ROR2: variants seen among roughly 807,000 people sequenced by gnomAD.
ROR2 encodes tyrosine-protein kinase transmembrane receptor ROR2.
Under a neutral mutation model 74.9 loss-of-function variants are expected in ROR2, and 33 were observed. The observed-to-expected ratio is 0.44, with a 90% CI of 0.33 to 0.59. The LOEUF is 0.59. Ranked by LOEUF, ROR2 falls within the 20% of genes least tolerant of loss-of-function variation. The pLI, the probability that ROR2 is intolerant of heterozygous loss-of-function variation, is 0.02. For missense variants in ROR2, 1,216 were observed against 1,313.8 expected (o/e 0.93, Z 1.15); for synonymous variants, 586 against 558.7 (o/e 1.05, Z -0.69).
At chr9:91,804,858 CATT>C (rs1827499251) in intron 1 of ROR2, among the ~76,000 whole-genome samples, 1 of 152,190 alleles carries the variant, frequency 6.6e-6, no homozygotes, top group Admixed American at 6.5e-5. Flanking sequence ...TCAAACGCTT[CATT>C]CTACTATCTA....
intron 1 of ROR2, among the ~76,000 whole-genome samples, chr9:91,897,145 A>G (rs889075107): frequency 3.3e-5 from 5 of 152,272 alleles, no homozygotes; most frequent in Non-Finnish European, 7.3e-5. Context: ...TTCCCCACAC[A>G]GCACTGTGAT....
chr9:91,732,225 C>T (rs958144950), intron 6 of ROR2, among the ~76,000 whole-genome samples: 2 of 152,196 alleles, frequency 1.3e-5, no homozygotes, highest in Non-Finnish European at 2.9e-5. Context: ...AGGCAACAAC[C>T]CGTATGGATG....
At chr9:91,748,060 G>A (rs1238614242) in intron 4 of ROR2, among the ~76,000 whole-genome samples, 7 of 152,152 alleles carry the variant, frequency 4.6e-5, no homozygotes, top group East Asian at 1.9e-4. Context: ...TCAGGAGTTC[G>A]AGATCAGCCT....
At chr9:91,846,706 CCT>C (rs1267379227) in intron 1 of ROR2, among the ~76,000 whole-genome samples, 2 of 152,106 alleles carry the variant, frequency 1.3e-5, no homozygotes, top group Non-Finnish European at 2.9e-5. Flanking sequence ...CCCTCAGCCC[CCT>C]GATAAGCACC....
At chr9:91,886,328 C>T (rs897316911) in intron 1 of ROR2, among the ~76,000 whole-genome samples, 1 of 152,328 alleles carries the variant, frequency 6.6e-6, no homozygotes, top group East Asian at 1.9e-4. Context: ...CATTCTCCCC[C>T]TCCCCTCGCC....
intron 1 of ROR2, among the ~76,000 whole-genome samples, chr9:91,816,018 G>A (rs938170711): frequency 2.0e-5 from 3 of 152,196 alleles, no homozygotes; most frequent in South Asian, 2.1e-4. Context: ...CTCCATAAAC[G>A]GTAAGCAGCC....
In ROR2 at chr9:91,931,103, G is replaced by T. The variant is rs575427269; in HGVS notation, c.97+18764C>A. ...GCTCCCCCAAATGTGACAAAAATGAGATCAAATATGTTATCTCAGTAAGTG... is the reference window on the plus strand; with the variant it reads ...GCTCCCCCAAATGTGACAAAAATGATATCAAATATGTTATCTCAGTAAGTG... On this transcript the variant is annotated intron_variant, in intron 1 of 8. Transcript: ENST00000375708. Among the ~76,000 whole-genome samples, 3 of 152,074 alleles carry T rather than the reference G, an allele frequency of 2.0e-5. No homozygotes were observed. The East Asian group carries it at 5.8e-4, about 29-fold the overall frequency.
chr9:91,855,263 C>G (rs568603602), intron 1 of ROR2, among the ~76,000 whole-genome samples: 10 of 152,302 alleles, frequency 6.6e-5, no homozygotes, highest in Admixed American at 4.6e-4. Flanking sequence ...TCCATCCTCA[C>G]TCCTAGCAAG....
chr9:91,950,203 G>A lies in ROR2; in HGVS notation c.-240C>T. 7.6e-6 allele frequency: 2 copies of A among 261,476 alleles called. No individual in the cohort carries two copies. The highest frequency in any genetic ancestry group is 1.6e-4 in the South Asian group (1 of 6,368). 16.2% of individuals were successfully genotyped at this position (261,476 alleles called of 1,614,324 possible). On this transcript the variant is annotated 5_prime_UTR_variant, in exon 1 of 9. Coordinates refer to ENST00000375708, the MANE Select transcript of ROR2 (RefSeq NM_004560.4). The stretch of plus-strand genomic sequence containing the variant: ...CGCGGGCTGGGGCGTCCCGCCGGCC[G>A]CCAGGACGAGCGCGGGGGGCGGACC...
At chr9:91,921,280 T>C (rs562729107) in intron 1 of ROR2, among the ~76,000 whole-genome samples, 67 of 152,354 alleles carry the variant, frequency 4.4e-4, no homozygotes, top group African/African-American at 1.6e-3. Context: ...ACATGCAAAA[T>C]CAGTCCTTCT....
In ROR2 at chr9:91,724,325, G is replaced by A. The variant is rs199502935; in HGVS notation, c.2169C>T (p.Ala723=). 2.4e-5 allele frequency: 39 copies of A among 1,613,310 alleles called. No individual in the cohort carries two copies. In the Admixed American group the frequency reaches 6.3e-4, roughly 26 times the overall value. The change falls in exon 9 of 9, where the codon GCC becomes GCT. Residue 723 remains alanine, a synonymous_variant. Transcript: ENST00000375708. ...CPDDCPAWVY[A]LMIECWNEFP... is the part of the protein sequence containing the mutation. The stretch of plus-strand genomic sequence containing the variant: ...ACTCGTTCCAGCACTCGATCATGAG[G>A]GCATACACCCAGGCGGGACAGTCAT...
At chr9:91,800,762 A>G (rs1420000765) in intron 1 of ROR2, among the ~76,000 whole-genome samples, 1 of 152,206 alleles carries the variant, frequency 6.6e-6, no homozygotes, top group Non-Finnish European at 1.5e-5. Context: ...TGTAGTTACG[A>G]GGCCACAGTA....
At chr9:91,927,559 A>ATTTTTTTTTTTT (rs1186182004) in intron 1 of ROR2, among the ~76,000 whole-genome samples, 1 of 100,132 alleles carries the variant, frequency 1.0e-5, no homozygotes. Context: ...TGTTTTCTAG[A>ATTTTTTTTTTTT]TTCTTTTTTT....
At chr9:91,869,938 G>A (rs1048454679) in intron 1 of ROR2, among the ~76,000 whole-genome samples, 3 of 152,106 alleles carry the variant, frequency 2.0e-5, no homozygotes, top group Non-Finnish European at 4.4e-5. Flanking sequence ...GCAAGATATT[G>A]GGAAGTAGTC....
At chr9:91,848,184 C>T (rs573891034) in intron 1 of ROR2, among the ~76,000 whole-genome samples, 2 of 152,164 alleles carry the variant, frequency 1.3e-5, no homozygotes, top group Non-Finnish European at 2.9e-5. Flanking sequence ...CATGCCAGTC[C>T]TAATCAAGAC....
At chr9:91,834,545 AGTCCCGTC>A (rs1274053377) in intron 1 of ROR2, among the ~76,000 whole-genome samples, 1 of 152,226 alleles carries the variant, frequency 6.6e-6, no homozygotes, top group Non-Finnish European at 1.5e-5. Context: ...ATACCCCACC[AGTCCCGTC>A]GTCAGCAGGG....
At chr9:91,924,463 G>C (rs923740135) in intron 1 of ROR2, among the ~76,000 whole-genome samples, 1 of 152,224 alleles carries the variant, frequency 6.6e-6, no homozygotes, top group African/African-American at 2.4e-5. Flanking sequence ...ACTTTTACGT[G>C]CATTAGAGAG....
At chr9:91,818,829 G>A (rs546783568) in intron 1 of ROR2, among the ~76,000 whole-genome samples, 1 of 152,116 alleles carries the variant, frequency 6.6e-6, no homozygotes, top group East Asian at 2.0e-4. Flanking sequence ...TCTCTTAGTT[G>A]CACAGGAAGC....
At chr9:91,882,111 A>C (rs181860306) in intron 1 of ROR2, among the ~76,000 whole-genome samples, 1 of 151,956 alleles carries the variant, frequency 6.6e-6, no homozygotes, top group Non-Finnish European at 1.5e-5. Context: ...AGCTCAGTCT[A>C]TAGAACTAGC....
Sources: gnomAD v4.1 joint callset for allele counts (sites outside exome capture counted in the v4.1 genomes callset) on GRCh38, gnomAD v4.1.1 for gene constraint, MANE v1.5 for transcripts, NCBI Gene and HGNC (gene_info 2026-07-23, HGNC 2026-07-21) for gene names.